DAGLA: variants seen among roughly 807,000 people sequenced by gnomAD.
DAGLA encodes diacylglycerol lipase alpha.
A neutral mutation model predicts 102.6 loss-of-function variants in DAGLA; 22 were observed. That is an observed-to-expected ratio of 0.21 (90% CI 0.15 to 0.31). The LOEUF (loss-of-function observed/expected upper bound fraction) is 0.31. DAGLA is among the 10% of genes least tolerant of loss of function. The pLI is 1.00. For missense variants in DAGLA, 927 were observed against 1,446.6 expected (o/e 0.64, Z 5.83); for synonymous variants, 578 against 628.9 (o/e 0.92, Z 1.21).
intron 7 of DAGLA, 28 bp downstream of exon 7, chr11:61,728,315 T>C: frequency 6.2e-7 from 1 of 1,603,422 alleles, no homozygotes. Flanking sequence ...CTTCTCCAGG[T>C]CACCTCTCCA....
intron 1 of DAGLA, among the ~76,000 whole-genome samples, chr11:61,717,986 T>C (rs184473212): frequency 4.0e-5 from 6 of 151,232 alleles, no homozygotes; most frequent in African/African-American, 1.5e-4. Flanking sequence ...GAGTGCAGAG[T>C]GAGTGTGTGT....
chr11:61,715,944 G>C lies in DAGLA; in HGVS notation c.-44-4168G>C, dbSNP rs74567149. 6.2e-3 allele frequency among the ~76,000 whole-genome samples: 943 copies of C among 152,292 alleles called. 9 individuals carry two copies. Among genetic ancestry groups the C allele is most frequent in the African/African-American group, 0.022 (900 of 41,550 alleles). Reference sequence around the variant, plus strand: ...CCCAGAACAGTTCATCTAGCCAGAGGGGGGGGAGAGGGTTCTCCCTGAGCT... The same window carrying C: ...CCCAGAACAGTTCATCTAGCCAGAGCGGGGGGAGAGGGTTCTCCCTGAGCT... On this transcript the variant is annotated intron_variant, in intron 1 of 19. Transcript: ENST00000257215.
At position 61,695,036 on chromosome 11, in the gene DAGLA, C is replaced by G. The variant is rs550463802; in HGVS notation, c.-45+14532C>G. 2.6e-5 allele frequency among the ~76,000 whole-genome samples: 4 copies of G among 152,342 alleles called. No individual in the cohort carries two copies. The South Asian group carries it at 6.2e-4, about 24-fold the overall frequency. On this transcript the variant is annotated intron_variant, in intron 1 of 19. Transcript: ENST00000257215. Reference sequence around the variant, plus strand: ...ATTCCAGGAAGCAGCCCCACGGGCCCTCTCTGTGTACTCGCAAGCGTGTTT... The same window carrying G: ...ATTCCAGGAAGCAGCCCCACGGGCCGTCTCTGTGTACTCGCAAGCGTGTTT...
intron 1 of DAGLA, among the ~76,000 whole-genome samples, chr11:61,697,770 G>A (rs963466446): frequency 6.6e-6 from 1 of 152,068 alleles, no homozygotes; most frequent in South Asian, 2.1e-4. Context: ...ACTCACTGCA[G>A]CCTCGAATTC....
rs185061803 is a variant in DAGLA at position 61,703,198 on chromosome 11, A to G, written c.-44-16914A>G. ...AACCTGCCAAACCTTTACTCAGTGC[A>G]GGGAACCTGGCAAGGAAGAAAACAG... is the stretch of plus-strand genomic sequence containing the variant. On this transcript the variant is annotated intron_variant, in intron 1 of 19. Transcript: ENST00000257215. Among the ~76,000 whole-genome samples the G allele has an allele frequency of 5.0e-3, 760 of 152,362 alleles. 5 individuals are homozygous for G. The highest frequency in any genetic ancestry group is 8.8e-3 in the Non-Finnish European group (598 of 68,030).
chr11:61,691,590 T>C lies in DAGLA; in HGVS notation c.-45+11086T>C, dbSNP rs566997091. On this transcript the variant is annotated intron_variant, in intron 1 of 19. Coordinates refer to ENST00000257215, the MANE Select transcript of DAGLA (RefSeq NM_006133.3). ...TCTGGCTCTGTGCCCGCAGACAGAG[T>C]GGGCTGAGAGGGAACAAACACAGCC... Among the ~76,000 whole-genome samples, 3 of 152,054 alleles carry C rather than the reference T, an allele frequency of 2.0e-5. No individual in the cohort carries two copies. The South Asian group carries it at 6.2e-4, about 32-fold the overall frequency.
chr11:61,682,856 G>A (rs142905092), intron 1 of DAGLA, among the ~76,000 whole-genome samples: 5 of 148,504 alleles, frequency 3.4e-5, no homozygotes, highest in South Asian at 2.1e-4. Flanking sequence ...GGGGACGGGG[G>A]GGGGAGGTGT....
chr11:61,739,410 C>T, intron 16 of DAGLA, 55 bp from the exon 17 acceptor site: 2 of 1,565,682 alleles, frequency 1.3e-6, no homozygotes, highest in Non-Finnish European at 1.7e-6. Context: ...TGCCCCTGCC[C>T]CCCAGCCAGT....
At chr11:61,736,001 G>T (rs2065420237) in intron 12 of DAGLA, among the ~76,000 whole-genome samples, 185 bp downstream of exon 12, 1 of 152,154 alleles carries the variant, frequency 6.6e-6, no homozygotes, top group Non-Finnish European at 1.5e-5. Flanking sequence ...GCCCTGCACA[G>T]CCCAGAGCCT....
At chr11:61,697,579 T>A (rs894356841) in intron 1 of DAGLA, among the ~76,000 whole-genome samples, 5 of 152,214 alleles carry the variant, frequency 3.3e-5, no homozygotes, top group Non-Finnish European at 5.9e-5. Flanking sequence ...CTGGGGCAGC[T>A]GTCTACATCC....
Position 61,735,845 on chromosome 11 carries a change from C to T in DAGLA, c.1290+29C>T, listed in dbSNP as rs1281317898. The stretch of plus-strand genomic sequence containing the variant: ...ACCCACGTCATGGACCCCAGGGCCC[C>T]TGGGCTTCTTTCCTGCCCTGCCAGT... On this transcript the variant is annotated intron_variant, in intron 12 of 19. Transcript: ENST00000257215. The T allele has an allele frequency of 1.9e-6, 3 of 1,580,822 alleles. No homozygotes were observed. In the Admixed American group the frequency reaches 5.3e-5, roughly 28 times the overall value.
intron 1 of DAGLA, 21 bp downstream of exon 1, chr11:61,680,525 G>C (rs2064932321): frequency 6.7e-6 from 1 of 149,594 alleles, no homozygotes; most frequent in African/African-American, 2.4e-5. Flanking sequence ...CCTCCGGCGC[G>C]GCGGGCCGGT....
intron 12 of DAGLA, among the ~76,000 whole-genome samples, 183 bp from the exon 13 acceptor site, chr11:61,736,087 C>G (rs554166006): frequency 1.3e-5 from 2 of 152,302 alleles, no homozygotes; most frequent in African/African-American, 4.8e-5. Context: ...CTCTGAGCCT[C>G]AGTTCCCACC....
chr11:61,717,692 A>G (rs908877577), intron 1 of DAGLA, among the ~76,000 whole-genome samples: 1 of 152,148 alleles, frequency 6.6e-6, no homozygotes, highest in African/African-American at 2.4e-5. Flanking sequence ...CTCGGATTCT[A>G]TGGTGGTGGG....
At position 61,731,423 on chromosome 11, in the gene DAGLA, A is replaced by T. The variant is rs2065373459; in HGVS notation, c.956A>T (p.Gln319Leu). 1 of 1,613,752 alleles carries T rather than the reference A, an allele frequency of 6.2e-7. No homozygotes were observed. The highest frequency in any genetic ancestry group is 1.1e-5 in the South Asian group (1 of 91,086). ...LMRKPACGLC[Q>L]LARSCSCCLC... Reference sequence around the variant, plus strand: ...CGGAAGCCCGCCTGCGGCCTCTGCCAACTGGCTCGGTCCTGCTCGTGAGTA... The same window carrying T: ...CGGAAGCCCGCCTGCGGCCTCTGCCTACTGGCTCGGTCCTGCTCGTGAGTA... The change falls in exon 9 of 20, where the codon CAA becomes CTA. Residue 319 changes from glutamine to leucine, a missense_variant. Transcript: ENST00000257215.
At chr11:61,740,657 A>C (rs2065470174) in intron 18 of DAGLA, 65 bp downstream of exon 18, 1 of 1,580,396 alleles carries the variant, frequency 6.3e-7, no homozygotes. Context: ...AGAACCCCGT[A>C]AGCACCATCA....
intron 6 of DAGLA, among the ~76,000 whole-genome samples, chr11:61,726,625 G>A (rs1591045387): frequency 1.3e-5 from 2 of 152,312 alleles, no homozygotes; most frequent in African/African-American, 2.4e-5. Flanking sequence ...GGGGTGCCCC[G>A]CAGCGGGCAG....
intron 1 of DAGLA, among the ~76,000 whole-genome samples, chr11:61,699,024 C>T (rs570871680): frequency 1.3e-5 from 2 of 152,198 alleles, no homozygotes; most frequent in Non-Finnish European, 2.9e-5. Flanking sequence ...TGGTGCACAG[C>T]AGAGCAGAGA....
At chr11:61,706,961 C>T (rs1164737447) in intron 1 of DAGLA, among the ~76,000 whole-genome samples, 3 of 152,264 alleles carry the variant, frequency 2.0e-5, no homozygotes, top group Admixed American at 6.5e-5. Context: ...AGCTCCTTCA[C>T]GGAAAGGTTC....
Sources: gnomAD v4.1 joint callset for allele counts (sites outside exome capture counted in the v4.1 genomes callset) on GRCh38, gnomAD v4.1.1 for gene constraint, MANE v1.5 for transcripts, NCBI Gene and HGNC (gene_info 2026-07-23, HGNC 2026-07-21) for gene names.